Variants in NRXN3 observed in about 807,000 individuals in gnomAD.
NRXN3 encodes neurexin III.
Under a neutral mutation model 137.6 loss-of-function variants are expected in NRXN3, and 32 were observed. The observed-to-expected ratio is 0.23, with a 90% CI of 0.18 to 0.31. NRXN3 has a LOEUF of 0.31. Among genes scored for constraint, NRXN3 ranks in the 10% least tolerant of loss-of-function variants. The probability of loss-of-function intolerance (pLI) is 1.00; values close to 1 mark genes in which losing one functional copy is unlikely to be tolerated. For missense variants in NRXN3, 1,574 were observed against 2,062.5 expected, an observed-to-expected ratio of 0.76 and a Z score of 4.59; for synonymous variants, 798 against 784.5, an observed-to-expected ratio of 1.02 and a Z score of -0.29.
chr14:78,397,726 C>A (rs1168064475), intron 4 of NRXN3, among the ~76,000 whole-genome samples: 1 of 151,658 alleles, frequency 6.6e-6, no homozygotes, highest in Non-Finnish European at 1.5e-5. Flanking sequence ...GCCTCAGCCT[C>A]CCAAGTAGCT....
intron 6 of NRXN3, among the ~76,000 whole-genome samples, chr14:78,682,920 G>C (rs940215560): frequency 6.6e-6 from 1 of 152,130 alleles, no homozygotes; most frequent in Non-Finnish European, 1.5e-5. Context: ...TTATTTTTCA[G>C]ACTAGCAGAA....
intron 16 of NRXN3, among the ~76,000 whole-genome samples, chr14:79,530,035 T>C (rs1469076345): frequency 6.6e-6 from 1 of 152,138 alleles, no homozygotes; most frequent in African/African-American, 2.4e-5. Flanking sequence ...AGAATGGAGG[T>C]AGGAGGAGGA....
chr14:78,434,175 G>A (rs538736213), intron 4 of NRXN3, among the ~76,000 whole-genome samples: 34 of 152,286 alleles, frequency 2.2e-4, no homozygotes, highest in African/African-American at 7.7e-4. Flanking sequence ...GGTGCTCAAA[G>A]TAAGGTGACT....
intron 4 of NRXN3, among the ~76,000 whole-genome samples, chr14:78,426,614 A>T (rs962186614): frequency 1.3e-5 from 2 of 152,122 alleles, no homozygotes; most frequent in Non-Finnish European, 2.9e-5. Flanking sequence ...GAGAAACTTG[A>T]TAGGGCAAAC....
At chr14:79,636,346 A>G (rs1237586501) in intron 16 of NRXN3, among the ~76,000 whole-genome samples, 2 of 152,174 alleles carry the variant, frequency 1.3e-5, no homozygotes, top group Non-Finnish European at 2.9e-5. Flanking sequence ...CTGGGAGAAC[A>G]TTCAGGGATT....
chr14:79,790,600 T>C (rs1371019685), intron 19 of NRXN3, among the ~76,000 whole-genome samples: 3 of 149,156 alleles, frequency 2.0e-5, no homozygotes, highest in Non-Finnish European at 4.5e-5. Flanking sequence ...TGGGCCACTG[T>C]GTCTGGCCCA....
chr14:78,972,791 G>A (rs967999426), intron 14 of NRXN3: 5 of 152,358 alleles, frequency 3.3e-5, no homozygotes, highest in South Asian at 2.1e-4. Flanking sequence ...TGCAGATTGC[G>A]TTTTCATTTC....
chr14:78,930,328 C>T (rs1160061841), intron 10 of NRXN3, among the ~76,000 whole-genome samples: 1 of 152,204 alleles, frequency 6.6e-6, no homozygotes, highest in African/African-American at 2.4e-5. Flanking sequence ...ATGTTCCTGG[C>T]ACACTAAGGT....
intron 4 of NRXN3, among the ~76,000 whole-genome samples, chr14:78,394,937 T>C (rs1182683899): frequency 2.0e-5 from 3 of 151,900 alleles, no homozygotes; most frequent in Non-Finnish European, 4.4e-5. Context: ...ATTTCTGATA[T>C]TGACAATTTG....
At chr14:78,234,826 C>T (rs572974051) in intron 1 of NRXN3, among the ~76,000 whole-genome samples, 1 of 151,888 alleles carries the variant, frequency 6.6e-6, no homozygotes, top group African/African-American at 2.4e-5. Flanking sequence ...ACTTTCTTTT[C>T]ATTCACTATC....
chr14:78,214,463 G>T (rs1240374694), intron 1 of NRXN3, among the ~76,000 whole-genome samples: 1 of 152,084 alleles, frequency 6.6e-6, no homozygotes, highest in Non-Finnish European at 1.5e-5. Context: ...CAAAATTCCT[G>T]ATTTTTCCAA....
chr14:79,506,233 A>G (rs1233039552), intron 16 of NRXN3, among the ~76,000 whole-genome samples: 6 of 152,206 alleles, frequency 3.9e-5, no homozygotes, highest in Non-Finnish European at 7.3e-5. Flanking sequence ...AATGACTACC[A>G]AGAAGCAGGA....
intron 1 of NRXN3, among the ~76,000 whole-genome samples, chr14:78,223,662 C>T (rs1445319711): frequency 6.6e-6 from 1 of 151,964 alleles, no homozygotes; most frequent in African/African-American, 2.4e-5. Context: ...ACCCTGAACT[C>T]CATGGAGGAT....
intron 6 of NRXN3, among the ~76,000 whole-genome samples, chr14:78,656,868 C>T (rs2097788562): frequency 6.6e-6 from 1 of 151,658 alleles, no homozygotes; most frequent in Non-Finnish European, 1.5e-5. Context: ...ACGGTGAAAC[C>T]CCATCTCTAC....
intron 15 of NRXN3, among the ~76,000 whole-genome samples, chr14:79,163,883 A>T (rs1220667244): frequency 6.8e-6 from 1 of 147,208 alleles, no homozygotes; most frequent in Non-Finnish European, 1.5e-5. Flanking sequence ...TATAATAAAA[A>T]ATAATGCCAA....
At chr14:78,853,241 C>T (rs952967167) in intron 10 of NRXN3, among the ~76,000 whole-genome samples, 13 of 152,136 alleles carry the variant, frequency 8.5e-5, no homozygotes, top group Non-Finnish European at 1.5e-4. Context: ...CAACAGGCCC[C>T]GGTGTGTGAT....
chr14:79,605,922 G>A (rs1879719813), intron 16 of NRXN3, among the ~76,000 whole-genome samples: 1 of 152,210 alleles, frequency 6.6e-6, no homozygotes, highest in African/African-American at 2.4e-5. Context: ...CAGTATGTAT[G>A]TGCAAGGATG....
intron 6 of NRXN3, among the ~76,000 whole-genome samples, chr14:78,660,123 A>G (rs550536368): frequency 7.9e-5 from 12 of 152,110 alleles, no homozygotes; most frequent in Non-Finnish European, 1.3e-4. Flanking sequence ...AGGAGCACTG[A>G]GGTCTCAAAG....
chr14:78,629,474 C>T (rs766377588), intron 4 of NRXN3, among the ~76,000 whole-genome samples: 2 of 152,136 alleles, frequency 1.3e-5, no homozygotes, highest in African/African-American at 4.8e-5. Context: ...GAGCAGCACT[C>T]GGGAATGCAA....
Sources: gnomAD v4.1 joint callset for allele counts (sites outside exome capture counted in the v4.1 genomes callset) on GRCh38, gnomAD v4.1.1 for gene constraint, MANE v1.5 for transcripts, NCBI Gene and HGNC (gene_info 2026-07-23, HGNC 2026-07-21) for gene names.